The following GALNT14 variants were observed in gnomAD, a reference collection of about 807,000 sequenced individuals.
GALNT14 encodes the protein polypeptide N-acetylgalactosaminyltransferase 14.
GALNT14 carries 60 observed loss-of-function variants against 77.5 expected under a neutral mutation model. The ratio of observed to expected loss-of-function variants is 0.77; its 90% confidence interval spans 0.63 to 0.96. The LOEUF is 0.96. GALNT14 is among the 40% of genes least tolerant of loss of function. The pLI, the probability that GALNT14 is intolerant of heterozygous loss-of-function variation, is 0.00. For missense variants in GALNT14, 710 were observed against 731.0 expected (o/e 0.97, Z 0.33); for synonymous variants, 280 against 281.7 (o/e 0.99, Z 0.06).
chr2:30,952,061 C>G (rs1018563366), intron 6 of GALNT14, among the ~76,000 whole-genome samples: 2 of 152,224 alleles, frequency 1.3e-5, no homozygotes, highest in Non-Finnish European at 2.9e-5. Flanking sequence ...TACAACGCAT[C>G]TGCCATTCTC....
intron 9 of GALNT14, among the ~76,000 whole-genome samples, chr2:30,939,335 A>C (rs1310483361): frequency 1.3e-5 from 2 of 152,172 alleles, no homozygotes; most frequent in Non-Finnish European, 2.9e-5. Flanking sequence ...AGTCCTGTAG[A>C]GGGTCAGCTT....
intron 1 of GALNT14, among the ~76,000 whole-genome samples, chr2:31,082,747 C>T (rs1676217722): frequency 6.6e-6 from 1 of 152,068 alleles, no homozygotes; most frequent in Non-Finnish European, 1.5e-5. Flanking sequence ...TGGCTGGGCA[C>T]GGTGGCTCAC....
chr2:31,111,995 C>CTTTTTTTTTT (rs398080139), intron 1 of GALNT14, among the ~76,000 whole-genome samples: 8 of 134,118 alleles, frequency 6.0e-5, no homozygotes, highest in Non-Finnish European at 4.7e-5. Context: ...TGTGTACTTG[C>CTTTTTTTTTT]TTTTTTTTTT....
At chr2:30,890,665 C>G in the GALNT14 span, among the ~76,000 whole-genome samples, 3 of 152,188 alleles carry the variant, frequency 2.0e-5, no homozygotes, top group Middle Eastern at 3.2e-3. Context: ...AAAACTCCAG[C>G]TGAAATCCTA....
intron 1 of GALNT14, among the ~76,000 whole-genome samples, chr2:31,061,645 C>T (rs1408458547): frequency 6.6e-6 from 1 of 151,988 alleles, no homozygotes; most frequent in African/African-American, 2.4e-5. Flanking sequence ...CCACTATCAC[C>T]TCCAGGTACT....
chr2:31,028,854 G>T (rs1214271932), intron 1 of GALNT14, among the ~76,000 whole-genome samples: 1 of 152,206 alleles, frequency 6.6e-6, no homozygotes, highest in African/African-American at 2.4e-5. Context: ...CGAAGGTGAG[G>T]AGAAGGGAAG....
intron 1 of GALNT14, among the ~76,000 whole-genome samples, chr2:31,039,165 T>C (rs1252595848): frequency 6.6e-6 from 1 of 152,234 alleles, no homozygotes; most frequent in Non-Finnish European, 1.5e-5. Flanking sequence ...TTTATGGAGA[T>C]GTGGTTTTTT....
chr2:31,086,948 C>T (rs921395456), intron 1 of GALNT14, among the ~76,000 whole-genome samples: 3 of 152,156 alleles, frequency 2.0e-5, no homozygotes, highest in African/African-American at 7.2e-5. Flanking sequence ...TCCAAGAGAA[C>T]AAATTTTAAA....
At chr2:30,954,343 A>G (rs559067485) in intron 6 of GALNT14, among the ~76,000 whole-genome samples, 135 of 152,294 alleles carry the variant, frequency 8.9e-4, no homozygotes, top group African/African-American at 3.2e-3. Flanking sequence ...AAAGAGTAGG[A>G]GAGGAGATTT....
chr2:31,058,106 T>C (rs1573264107), intron 1 of GALNT14, among the ~76,000 whole-genome samples: 1 of 152,112 alleles, frequency 6.6e-6, no homozygotes, highest in East Asian at 1.9e-4. Context: ...TTCCCTTACC[T>C]TTGCCAAGAG....
chr2:30,941,108 T>C (rs1320675882), intron 9 of GALNT14, among the ~76,000 whole-genome samples: 1 of 152,242 alleles, frequency 6.6e-6, no homozygotes, highest in Non-Finnish European at 1.5e-5. Flanking sequence ...TGCTAAATGC[T>C]GGGATGTGCC....
intron 8 of GALNT14, among the ~76,000 whole-genome samples, chr2:30,943,001 A>C (rs761980955): frequency 5.3e-5 from 8 of 152,194 alleles, no homozygotes; most frequent in Non-Finnish European, 8.8e-5. Context: ...GACACACAGA[A>C]GGAAGAGAAT....
chr2:30,950,135 T>C (rs1352280009), intron 6 of GALNT14, among the ~76,000 whole-genome samples: 1 of 152,192 alleles, frequency 6.6e-6, no homozygotes, highest in Non-Finnish European at 1.5e-5. Flanking sequence ...GAGAAAGGCA[T>C]GTGATAAGAC....
At chr2:30,989,577 T>TATATATATATATATAC (rs1407487990) in intron 2 of GALNT14, among the ~76,000 whole-genome samples, 10 of 128,040 alleles carry the variant, frequency 7.8e-5, no homozygotes, top group African/African-American at 3.1e-4. Context: ...TATATATATA[T>TATATATATATATATAC]ATATAAAAAT....
chr2:31,067,031 T>G (rs1675016127), intron 1 of GALNT14, among the ~76,000 whole-genome samples: 2 of 152,150 alleles, frequency 1.3e-5, no homozygotes, highest in South Asian at 4.1e-4. Context: ...ACAGCCTTCC[T>G]CAGCCAAAAG....
intron 1 of GALNT14, among the ~76,000 whole-genome samples, chr2:31,085,164 A>C (rs1676365230): frequency 6.6e-6 from 1 of 152,220 alleles, no homozygotes; most frequent in African/African-American, 2.4e-5. Context: ...TGACTCCCCC[A>C]TTAGTGGCAT....
At chr2:31,023,733 TG>T (rs1292416889) in intron 1 of GALNT14, among the ~76,000 whole-genome samples, 1 of 152,086 alleles carries the variant, frequency 6.6e-6, no homozygotes. Context: ...ATCCCTCCCC[TG>T]TGACACTTCC....
chr2:31,082,699 T>C (rs1178497809), intron 1 of GALNT14, among the ~76,000 whole-genome samples: 1 of 152,110 alleles, frequency 6.6e-6, no homozygotes, highest in Non-Finnish European at 1.5e-5. Flanking sequence ...ATGATAATGA[T>C]GATGATAAAA....
At chr2:31,101,402 CTCT>C (rs1438816414) in intron 1 of GALNT14, among the ~76,000 whole-genome samples, 3 of 151,940 alleles carry the variant, frequency 2.0e-5, no homozygotes, top group Non-Finnish European at 4.4e-5. Flanking sequence ...ATGCTTGTTT[CTCT>C]TCTTTTTCTA....
Sources: gnomAD v4.1 joint callset for allele counts (sites outside exome capture counted in the v4.1 genomes callset) on GRCh38, gnomAD v4.1.1 for gene constraint, MANE v1.5 for transcripts, NCBI Gene and HGNC (gene_info 2026-07-23, HGNC 2026-07-21) for gene names.